SECISBP2L: variants seen among roughly 807,000 people sequenced by gnomAD.
SECISBP2L encodes the protein selenocysteine insertion sequence-binding protein 2-like.
SECISBP2L carries 43 observed loss-of-function variants against 114.7 expected under a neutral mutation model. That is an observed-to-expected ratio of 0.38 (90% CI 0.29 to 0.48). SECISBP2L has a LOEUF of 0.48. SECISBP2L is among the 20% of genes least tolerant of loss of function. The pLI is 0.98. For missense variants in SECISBP2L, 1,136 were observed against 1,301.1 expected (o/e 0.87, Z 1.95); for synonymous variants, 451 against 439.7 (o/e 1.03, Z -0.32).
intron 3 of SECISBP2L, among the ~76,000 whole-genome samples, chr15:49,034,724 G>T (rs1042227271): frequency 6.9e-6 from 1 of 145,320 alleles, no homozygotes; most frequent in South Asian, 2.2e-4. Flanking sequence ...GAGTGTAGTG[G>T]TGCTATCTCA....
chr15:49,025,421 G>T (rs536032495), intron 7 of SECISBP2L, among the ~76,000 whole-genome samples: 7 of 152,204 alleles, frequency 4.6e-5, no homozygotes, highest in Admixed American at 4.6e-4. Flanking sequence ...ATTCACTTGT[G>T]TTTCACATAC....
Position 49,035,786 on chromosome 15 carries a change from G to A in SECISBP2L, c.204-128C>T, listed in dbSNP as rs531882105. 1.5e-5 allele frequency: 12 copies of A among 792,490 alleles called. No homozygotes were observed. The African/African-American group carries it at 2.1e-4, about 14-fold the overall frequency. The allele number at this position is 792,490 out of a possible 1,614,324, so 49.1% of individuals were successfully genotyped here. A position where few individuals can be genotyped will look rare whatever the true frequency, so the allele number is the denominator to read the frequency against. ...TGGCTTCATGATAATTTTGGGAAAG[G>A]AGACAAAACTATCATCATCTTATAA... On this transcript the variant is annotated intron_variant, in intron 2 of 17. Coordinates refer to ENST00000559471, the MANE Select transcript of SECISBP2L (RefSeq NM_001193489.2).
intron 11 of SECISBP2L, among the ~76,000 whole-genome samples, chr15:49,015,496 T>TCC (rs1340376559): frequency 6.6e-6 from 1 of 152,156 alleles, no homozygotes; most frequent in Non-Finnish European, 1.5e-5. Flanking sequence ...TAAGTAATAG[T>TCC]CCCTTCACAC....
intron 3 of SECISBP2L, among the ~76,000 whole-genome samples, chr15:49,034,770 T>C (rs889377011): frequency 6.6e-6 from 1 of 150,720 alleles, no homozygotes; most frequent in African/African-American, 2.4e-5. Flanking sequence ...GCTCAAGCGA[T>C]CTTCCCACCT....
chr15:49,042,462 C>T (rs1903160686), intron 1 of SECISBP2L: 1 of 152,250 alleles, frequency 6.6e-6, no homozygotes, highest in Admixed American at 6.5e-5. Flanking sequence ...CCAGTTCACC[C>T]TTCCTTAGGC....
rs1248294363 is a variant in SECISBP2L at position 48,988,674 on chromosome 15, T to C, written c.*3570A>G. The C allele has an allele frequency of 2.2e-6, 1 of 453,930 alleles. No homozygotes were observed. Among genetic ancestry groups the C allele is most frequent in the Non-Finnish European group, 4.4e-6 (1 of 225,860 alleles). The allele number at this position is 453,930 out of a possible 1,614,324, so 28.1% of individuals were successfully genotyped here. On this transcript the variant is annotated 3_prime_UTR_variant, in exon 18 of 18. Transcript: ENST00000559471. ...TAATCATTTTATTAGTACAGAAGAA[T>C]CCCCACTAGTATTTACATAGTGCAA... is the stretch of plus-strand genomic sequence containing the variant.
At chr15:49,005,265 G>A (rs754744641) in intron 14 of SECISBP2L, among the ~76,000 whole-genome samples, 4 of 152,118 alleles carry the variant, frequency 2.6e-5, no homozygotes, top group African/African-American at 9.7e-5. Context: ...AGGAGGTGGA[G>A]GTTGCAATAA....
chr15:48,993,091 C>CAGAGAGAG (rs140847057), intron 17 of SECISBP2L, among the ~76,000 whole-genome samples, 165 bp from the exon 18 acceptor site: 369 of 141,052 alleles, frequency 2.6e-3, no homozygotes, highest in Middle Eastern at 7.3e-3. Context: ...TAGTTTGAGA[C>CAGAGAGAG]AGAGAGAGAG....
chr15:49,008,134 T>C (rs547107754), intron 14 of SECISBP2L, among the ~76,000 whole-genome samples: 3 of 152,310 alleles, frequency 2.0e-5, no homozygotes, highest in East Asian at 1.9e-4. Context: ...AGGTACTTAA[T>C]AGGGAGAATT....
At position 49,000,072 on chromosome 15, in the gene SECISBP2L, C is replaced by G. The variant is rs768286950; in HGVS notation, c.2249-85G>C. On this transcript the variant is annotated intron_variant, in intron 15 of 17. Transcript: ENST00000559471. ...ACCCGATAGCTAAAGCATAAAACAT[C>G]GCAGCAAAGAATTCTATGAACACTT... 5.0e-6 allele frequency: 7 copies of G among 1,412,518 alleles called. No homozygotes were observed. The South Asian group carries it at 7.7e-5, about 15-fold the overall frequency. The allele number at this position is 1,412,518 out of a possible 1,614,324, so 87.5% of individuals were successfully genotyped here.
At chr15:49,005,880 G>C (rs1175072006) in intron 14 of SECISBP2L, among the ~76,000 whole-genome samples, 2 of 152,042 alleles carry the variant, frequency 1.3e-5, no homozygotes, top group Non-Finnish European at 2.9e-5. Flanking sequence ...TGTTTTTGCA[G>C]TGGCTGGTAC....
In SECISBP2L at chr15:49,046,307, G is replaced by A. The variant is rs765099271; in HGVS notation, c.-8C>T. Reference sequence around the variant, plus strand: ...CGTGGGGGCTCGGTCCATGGTGCCTGCAGCCGCAACGGGCCCGCGCTAGTC... The same window carrying A: ...CGTGGGGGCTCGGTCCATGGTGCCTACAGCCGCAACGGGCCCGCGCTAGTC... On this transcript the variant is annotated 5_prime_UTR_variant, in exon 1 of 18. Coordinates refer to ENST00000559471, the MANE Select transcript of SECISBP2L (RefSeq NM_001193489.2). The A allele has an allele frequency of 9.7e-6, 15 of 1,547,132 alleles. No homozygotes were observed. The highest frequency in any genetic ancestry group is 1.3e-5 in the Non-Finnish European group (15 of 1,147,440).
chr15:49,033,088 G>A lies in SECISBP2L; in HGVS notation c.541C>T (p.Gln181Ter). Residue 181 changes from glutamine to a stop codon, truncating the protein, a stop_gained, in exon 4 of 18, where the codon CAA becomes TAA. Coordinates refer to ENST00000559471, the MANE Select transcript of SECISBP2L (RefSeq NM_001193489.2). LOFTEE classifies it high-confidence loss of function. ...GSVVPKQQLL[Q>*]QHIKSKRPLV... ...GGCCTTTTGCTTTTTATGTGCTGTT[G>A]TAAAAGCTGTTGCTGATTTAAAAAA... 1 of 1,612,102 alleles carries A rather than the reference G, an allele frequency of 6.2e-7. No individual in the cohort carries two copies. Among genetic ancestry groups the A allele is most frequent in the Non-Finnish European group, 8.5e-7 (1 of 1,179,474 alleles).
At chr15:49,029,020 C>A (rs549546430) in intron 4 of SECISBP2L, among the ~76,000 whole-genome samples, 23 of 152,084 alleles carry the variant, frequency 1.5e-4, no homozygotes, top group African/African-American at 5.5e-4. Flanking sequence ...CACCACCACA[C>A]CAGGGTTATT....
chr15:49,028,045 G>T, intron 6 of SECISBP2L, 99 bp downstream of exon 6: 3 of 1,100,480 alleles, frequency 2.7e-6, no homozygotes, highest in Non-Finnish European at 3.9e-6. Flanking sequence ...AGACTTCTAA[G>T]TTTTTTTTGC....
At chr15:49,020,162 A>T (rs548507816) in intron 7 of SECISBP2L, among the ~76,000 whole-genome samples, 8 of 152,268 alleles carry the variant, frequency 5.3e-5, no homozygotes, top group African/African-American at 1.2e-4. Flanking sequence ...GTGATATTGC[A>T]CTATAGTTTT....
chr15:49,014,495 T>C lies in SECISBP2L; in HGVS notation c.1562-1678A>G, dbSNP rs1902498924. ...ACCACCAGAATCTCCCATGCTAGCA[T>C]TTAAAATACAACAGGCAGCATCTGC... On this transcript the variant is annotated intron_variant, in intron 11 of 17. Transcript: ENST00000559471. Among the ~76,000 whole-genome samples, 3 of 152,244 alleles carry C rather than the reference T, an allele frequency of 2.0e-5. 1 individual carries two copies. In the South Asian group the frequency reaches 6.2e-4, roughly 32 times the overall value.
In SECISBP2L at chr15:49,009,379, CTG is replaced by C. The variant is rs751907922; in HGVS notation, c.1865-3_1865-2del. The C allele has an allele frequency of 2.5e-6, 4 of 1,610,678 alleles. No individual in the cohort carries two copies. On this transcript the variant is annotated splice_acceptor_variant and splice_polypyrimidine_tract_variant and intron_variant, in intron 13 of 17. Transcript: ENST00000559471. LOFTEE classifies it high-confidence loss of function. ...TCACTGGGCATGCTTAGTCCAGTAT[CTG>C]TGGAGATGTGGAGTGAAGGGAAAAA...
At chr15:49,009,691 T>A (rs1008711832) in intron 13 of SECISBP2L, among the ~76,000 whole-genome samples, 18 of 151,904 alleles carry the variant, frequency 1.2e-4, no homozygotes, top group African/African-American at 3.6e-4. Context: ...CTGAGAAACG[T>A]TGTGAGACTT....
Sources: allele counts gnomAD v4.1 joint callset (sites outside exome capture counted in the v4.1 genomes callset), GRCh38; gene constraint gnomAD v4.1.1; transcripts MANE v1.5; gene names NCBI Gene and HGNC (gene_info 2026-07-23, HGNC 2026-07-21).